Variants in B3GALT1 observed in about 807,000 individuals in gnomAD.
B3GALT1 encodes the protein UDP-Gal:betaGlcNAc beta 1,3-galactosyltransferase, polypeptide 1.
A neutral mutation model predicts 23.2 loss-of-function variants in B3GALT1; 10 were observed. The ratio of observed to expected loss-of-function variants is 0.43; its 90% CI spans 0.27 to 0.73. The LOEUF is 0.73. B3GALT1 is among the 30% of genes least tolerant of loss of function. The pLI is 0.21. For synonymous variants in B3GALT1, 156 were observed against 141.5 expected, an observed-to-expected ratio of 1.10 and a Z score of -0.73; for missense variants, 299 against 405.4, an observed-to-expected ratio of 0.74 and a Z score of 2.25.
At chr2:167,625,317 G>A (rs2105442601) in intron 2 of B3GALT1, among the ~76,000 whole-genome samples, 1 of 151,878 alleles carries the variant, frequency 6.6e-6, no homozygotes. Flanking sequence ...TACTAACATG[G>A]CCACAATAAT....
intron 3 of B3GALT1, among the ~76,000 whole-genome samples, chr2:167,679,192 C>T (rs559023031): frequency 6.6e-6 from 1 of 151,948 alleles, no homozygotes; most frequent in East Asian, 1.9e-4. Context: ...AATCTCGGCT[C>T]ACCGCAACCT....
intron 2 of B3GALT1, among the ~76,000 whole-genome samples, chr2:167,510,681 A>T (rs2105353917): frequency 6.6e-6 from 1 of 152,298 alleles, no homozygotes; most frequent in African/African-American, 2.4e-5. Context: ...AAAAACAAGA[A>T]AGATGGAATT....
At chr2:167,645,470 A>C (rs1367134705) in intron 2 of B3GALT1, among the ~76,000 whole-genome samples, 1 of 152,082 alleles carries the variant, frequency 6.6e-6, no homozygotes. Flanking sequence ...GGTTGACTGA[A>C]GACTAAATTG....
intron 1 of B3GALT1, among the ~76,000 whole-genome samples, chr2:167,294,887 A>C (rs1696323255): frequency 6.6e-6 from 1 of 152,248 alleles, no homozygotes; most frequent in African/African-American, 2.4e-5. Flanking sequence ...AAAAATACCC[A>C]AAACCAAACC....
chr2:167,659,801 G>C (rs944962626), intron 3 of B3GALT1, among the ~76,000 whole-genome samples: 10 of 151,902 alleles, frequency 6.6e-5, no homozygotes, highest in Non-Finnish European at 1.2e-4. Context: ...TGAGTCTTAG[G>C]GCATTTCAAA....
intron 1 of B3GALT1, among the ~76,000 whole-genome samples, chr2:167,350,437 G>A (rs987828703): frequency 6.6e-6 from 1 of 152,172 alleles, no homozygotes; most frequent in Non-Finnish European, 1.5e-5. Context: ...TTATATATCT[G>A]AGCAAAGGGT....
chr2:167,420,948 A>G (rs1190631261), intron 1 of B3GALT1, among the ~76,000 whole-genome samples: 2 of 152,202 alleles, frequency 1.3e-5, no homozygotes, highest in Non-Finnish European at 2.9e-5. Context: ...AATGTAAGTG[A>G]CTTATACTAA....
chr2:167,323,884 A>G (rs761663836), intron 1 of B3GALT1, among the ~76,000 whole-genome samples: 1 of 151,958 alleles, frequency 6.6e-6, no homozygotes, highest in Admixed American at 6.6e-5. Context: ...TCCACTCCCT[A>G]TGACATCTGT....
chr2:167,829,032 A>C (rs914564460), intron 4 of B3GALT1, among the ~76,000 whole-genome samples: 7 of 152,224 alleles, frequency 4.6e-5, no homozygotes, highest in African/African-American at 1.4e-4. Flanking sequence ...GCTTTTATCA[A>C]AACTAACTTT....
At chr2:167,543,684 G>A (rs1683574626) in intron 2 of B3GALT1, among the ~76,000 whole-genome samples, 1 of 152,092 alleles carries the variant, frequency 6.6e-6, no homozygotes, top group Non-Finnish European at 1.5e-5. Flanking sequence ...ATAAAATAGG[G>A]GGAAAAAGTA....
chr2:167,636,994 A>T (rs1056599505), intron 2 of B3GALT1, among the ~76,000 whole-genome samples: 15 of 150,972 alleles, frequency 9.9e-5, no homozygotes, highest in African/African-American at 3.7e-4. Flanking sequence ...TAATAATAAT[A>T]AAAAAAAATA....
chr2:167,392,478 C>G (rs1698028518), intron 1 of B3GALT1, among the ~76,000 whole-genome samples: 1 of 151,990 alleles, frequency 6.6e-6, no homozygotes, highest in Non-Finnish European at 1.5e-5. Context: ...ATGGTAAAAA[C>G]AATATAGTCT....
intron 1 of B3GALT1, among the ~76,000 whole-genome samples, chr2:167,414,329 CTA>C (rs1157138530): frequency 6.6e-6 from 1 of 152,072 alleles, no homozygotes; most frequent in African/African-American, 2.4e-5. Flanking sequence ...AGTTGACTGA[CTA>C]TGTAATTCTG....
intron 1 of B3GALT1, among the ~76,000 whole-genome samples, chr2:167,489,809 A>G (rs1359619104): frequency 3.3e-5 from 5 of 152,212 alleles, no homozygotes; most frequent in African/African-American, 7.2e-5. Context: ...ACAATATTCT[A>G]CTTCTCTTGT....
intron 2 of B3GALT1, among the ~76,000 whole-genome samples, chr2:167,521,645 C>A (rs1205380810): frequency 6.6e-6 from 1 of 151,862 alleles, no homozygotes; most frequent in Non-Finnish European, 1.5e-5. Flanking sequence ...TCATAAATTG[C>A]CAAATTTCTT....
chr2:167,504,856 A>C (rs1268193206), intron 2 of B3GALT1, among the ~76,000 whole-genome samples: 1 of 152,214 alleles, frequency 6.6e-6, no homozygotes, highest in Non-Finnish European at 1.5e-5. Flanking sequence ...GATATACAGT[A>C]GGCTATTCTA....
intron 1 of B3GALT1, among the ~76,000 whole-genome samples, chr2:167,408,979 TC>T: frequency 1.3e-5 from 2 of 152,248 alleles, no homozygotes; most frequent in African/African-American, 4.8e-5. Flanking sequence ...GCATTCTCTA[TC>T]CAAATACCAA....
At chr2:167,795,112 T>C (rs955595571) in intron 3 of B3GALT1, among the ~76,000 whole-genome samples, 14 of 152,184 alleles carry the variant, frequency 9.2e-5, no homozygotes, top group African/African-American at 3.4e-4. Context: ...TGGTGCACTT[T>C]GGACAGGTGT....
At chr2:167,521,984 G>GTATATATATATA (rs550521896) in intron 2 of B3GALT1, among the ~76,000 whole-genome samples, 4 of 122,632 alleles carry the variant, frequency 3.3e-5, no homozygotes, top group Admixed American at 2.5e-4. Context: ...GTGTGTGTGT[G>GTATATATATATA]TATATATATA....
Sources: gnomAD v4.1 joint callset for allele counts (sites outside exome capture counted in the v4.1 genomes callset) on GRCh38, gnomAD v4.1.1 for gene constraint, MANE v1.5 for transcripts, NCBI Gene and HGNC (gene_info 2026-07-23, HGNC 2026-07-21) for gene names.